Variants in PDS5A observed in about 807,000 individuals in gnomAD.
The protein encoded by PDS5A is PDS5 cohesin associated factor A.
Under a neutral mutation model 167.1 loss-of-function variants are expected in PDS5A, and 42 were observed. The ratio of observed to expected loss-of-function variants is 0.25; its 90% CI spans 0.20 to 0.33. The LOEUF (loss-of-function observed/expected upper bound fraction) is 0.33, where lower values mean the gene tolerates loss of function less well. Among genes scored for constraint, PDS5A ranks in the 10% least tolerant of loss-of-function variants. The pLI, the probability that PDS5A is intolerant of heterozygous loss-of-function variation, is 1.00. For missense variants in PDS5A, 1,033 were observed against 1,605.9 expected, an observed-to-expected ratio of 0.64 and a Z score of 6.10; for synonymous variants, 553 against 554.6, an observed-to-expected ratio of 1.00 and a Z score of 0.04.
At chr4:39,962,094 G>A (rs1299230142) in intron 2 of PDS5A, among the ~76,000 whole-genome samples, 1 of 150,410 alleles carries the variant, frequency 6.6e-6, no homozygotes, top group Non-Finnish European at 1.5e-5. Flanking sequence ...GTCTCGCTCT[G>A]TTGCCCAGGA....
intron 2 of PDS5A, among the ~76,000 whole-genome samples, chr4:39,929,941 C>T (rs1484488688): frequency 6.7e-6 from 1 of 150,244 alleles, no homozygotes; most frequent in Admixed American, 6.7e-5. Context: ...GGGGGCCGGG[C>T]GAGGTGGCTC....
At chr4:39,902,525 T>A in intron 12 of PDS5A, 65 bp from the exon 13 acceptor site, 1 of 631,798 alleles carries the variant, frequency 1.6e-6, no homozygotes, top group East Asian at 3.3e-5. Context: ...AGAAGCAATT[T>A]TTTTTTTTTT....
intron 20 of PDS5A, among the ~76,000 whole-genome samples, 169 bp downstream of exon 20, chr4:39,874,120 G>A (rs955514732): frequency 2.6e-5 from 4 of 152,084 alleles, no homozygotes; most frequent in East Asian, 1.9e-4. Context: ...TCTACAGGCT[G>A]GGAATGCAGT....
chr4:39,835,366 C>T (rs1716292460), intron 32 of PDS5A, among the ~76,000 whole-genome samples: 1 of 152,160 alleles, frequency 6.6e-6, no homozygotes. Flanking sequence ...TGTAATGTGC[C>T]TTTTCAGTCT....
chr4:39,893,682 A>C (rs551234137), intron 16 of PDS5A, among the ~76,000 whole-genome samples: 1 of 152,370 alleles, frequency 6.6e-6, no homozygotes, highest in Non-Finnish European at 1.5e-5. Flanking sequence ...CATAGGGGAA[A>C]GGACAAACTC....
intron 13 of PDS5A, among the ~76,000 whole-genome samples, chr4:39,901,708 G>A (rs1722902733): frequency 6.6e-6 from 1 of 152,034 alleles, no homozygotes; most frequent in African/African-American, 2.4e-5. Flanking sequence ...CAAGCTTCTA[G>A]GCTGAAAAGA....
rs547270915 is a variant in PDS5A, at chr4:39,838,620, G to C, written c.3658-412C>G. ...TGCCTGTAGTCCCAGCTACTTGGGA[G>C]GCTGAGGTGGGAGGATTGCTTAAGC... is the stretch of plus-strand genomic sequence containing the variant. On this transcript the variant is annotated intron_variant, in intron 31 of 32. Transcript: ENST00000303538. Among the ~76,000 whole-genome samples, 177 of 152,292 alleles carry C rather than the reference G, an allele frequency of 1.2e-3. No homozygotes were observed. In the Middle Eastern group the frequency reaches 0.02, roughly 18 times the overall value.
At position 39,977,559 on chromosome 4, in the gene PDS5A, CCCGCCG is replaced by C. The variant is rs563638933; in HGVS notation, c.-149_-144del. 20 of 159,668 alleles carry C rather than the reference CCCGCCG, an allele frequency of 1.3e-4. No individual in the cohort carries two copies. Among genetic ancestry groups the C allele is most frequent in the East Asian group, 1.8e-4 (1 of 5,420 alleles). 9.9% of individuals were successfully genotyped at this position (159,668 alleles called of 1,614,324 possible). A position where few individuals can be genotyped will look rare whatever the true frequency, so the allele number is the denominator to read the frequency against. On this transcript the variant is annotated 5_prime_UTR_variant, in exon 1 of 33. Coordinates refer to ENST00000303538, the MANE Select transcript of PDS5A (RefSeq NM_001100399.2). This position sits in a 1 kb window ranked among gnomAD's most constrained non-coding sequence, Gnocchi z 4.2. ...CTGCACACAAAGCGGCTCCGCGGGTCCCGCCGCCGCCGCCGCCGCCGCCCGCCCGCC... is the reference window on the plus strand; with the variant it reads ...CTGCACACAAAGCGGCTCCGCGGGTCCCGCCGCCGCCGCCGCCCGCCCGCC...
chr4:39,894,490 TC>T (rs771177604), intron 16 of PDS5A, among the ~76,000 whole-genome samples: 3 of 152,118 alleles, frequency 2.0e-5, no homozygotes, highest in Non-Finnish European at 2.9e-5. Flanking sequence ...ATTTGGCACA[TC>T]CACATTCATA....
At chr4:39,903,637 T>A (rs1165088322) in intron 12 of PDS5A, among the ~76,000 whole-genome samples, 1 of 152,244 alleles carries the variant, frequency 6.6e-6, no homozygotes, top group Non-Finnish European at 1.5e-5. Context: ...ATGCTTTATA[T>A]TCATTATTTT....
chr4:39,939,594 G>A (rs1292727461), intron 2 of PDS5A, among the ~76,000 whole-genome samples: 1 of 152,126 alleles, frequency 6.6e-6, no homozygotes, highest in African/African-American at 2.4e-5. Flanking sequence ...AGGAGCTGGA[G>A]ACCAGCCTGG....
In PDS5A at chr4:39,837,945, C is replaced by G; in HGVS notation, c.3921G>C (p.Gly1307=). Residue 1307 remains glycine (G), a synonymous_variant, in exon 32 of 33, where the codon GGG becomes GGC. Coordinates refer to ENST00000303538, the MANE Select transcript of PDS5A (RefSeq NM_001100399.2). Reference sequence around the variant, plus strand: ...CTTTGGCATTACCTGCTTCCAAACCCCCAGGGCTCTCCTGACCCACTGCAG... The same window carrying G: ...CTTTGGCATTACCTGCTTCCAAACCGCCAGGGCTCTCCTGACCCACTGCAG... ...KRAAVGQESP[G]GLEAGNAKAP... is the part of the protein sequence containing the mutation. 1 of 1,613,998 alleles carries G rather than the reference C, an allele frequency of 6.2e-7. No individual in the cohort carries two copies. The highest frequency in any genetic ancestry group is 8.5e-7 in the Non-Finnish European group (1 of 1,179,896).
At chr4:39,828,399 A>G (rs567543567) in intron 32 of PDS5A, among the ~76,000 whole-genome samples, 5 of 152,308 alleles carry the variant, frequency 3.3e-5, no homozygotes, top group Admixed American at 1.3e-4. Context: ...AATAAACCCT[A>G]TAGGTAGGAA....
chr4:39,949,716 C>T lies in PDS5A; in HGVS notation c.139-21552G>A, dbSNP rs112170883. The stretch of plus-strand genomic sequence containing the variant: ...TGGCATGGTGGCGCACACCCGGCTA[C>T]GCAGGAGGCTGGGGTGGCACAATCA... On this transcript the variant is annotated intron_variant, in intron 2 of 32. Coordinates refer to ENST00000303538, the MANE Select transcript of PDS5A (RefSeq NM_001100399.2). 5.9e-4 allele frequency among the ~76,000 whole-genome samples: 88 copies of T among 148,416 alleles called. 1 individual carries two copies. Among genetic ancestry groups the T allele is most frequent in the African/African-American group, 2.0e-3 (83 of 40,670 alleles).
At chr4:39,893,968 C>T (rs1297979858) in intron 16 of PDS5A, among the ~76,000 whole-genome samples, 2 of 152,206 alleles carry the variant, frequency 1.3e-5, no homozygotes, top group Non-Finnish European at 2.9e-5. Flanking sequence ...TGAGCCACCG[C>T]GCCCAGCCTT....
chr4:39,835,462 A>G (rs987239953), intron 32 of PDS5A, among the ~76,000 whole-genome samples: 1 of 152,208 alleles, frequency 6.6e-6, no homozygotes, highest in Non-Finnish European at 1.5e-5. Context: ...AATGCTGTAT[A>G]TGAGAGAAGG....
chr4:39,967,292 G>A (rs1326437040), intron 2 of PDS5A, among the ~76,000 whole-genome samples: 1 of 149,920 alleles, frequency 6.7e-6, no homozygotes, highest in African/African-American at 2.5e-5. Flanking sequence ...GCAACAGAGT[G>A]AGATTCCATC....
At chr4:39,920,155 A>C (rs1017092055) in intron 7 of PDS5A, among the ~76,000 whole-genome samples, 164 bp downstream of exon 7, 2 of 152,108 alleles carry the variant, frequency 1.3e-5, no homozygotes, top group African/African-American at 4.8e-5. Flanking sequence ...CCCTTTAAAA[A>C]CGTCATGAAA....
chr4:39,930,248 T>TTTTTTG (rs1414220530), intron 2 of PDS5A, among the ~76,000 whole-genome samples: 18 of 70,736 alleles, frequency 2.5e-4, no homozygotes, highest in South Asian at 4.8e-4. Context: ...AAAAAAAAAG[T>TTTTTTG]TTTTTTGTTT....
Sources: gnomAD v4.1 joint callset for allele counts (sites outside exome capture counted in the v4.1 genomes callset) on GRCh38, gnomAD v4.1.1 for gene constraint, Gnocchi (gnomAD v3.1) non-coding constraint, MANE v1.5 for transcripts, NCBI Gene and HGNC (gene_info 2026-07-23, HGNC 2026-07-21) for gene names.